The following PRRC2B variants were observed in gnomAD, a reference collection of about 807,000 sequenced individuals.
PRRC2B encodes proline rich coiled-coil 2B, also known as protein PRRC2B.
A neutral mutation model predicts 242.3 loss-of-function variants in PRRC2B; 68 were observed. That is an observed-to-expected ratio of 0.28 (90% CI 0.23 to 0.34). The LOEUF (loss-of-function observed/expected upper bound fraction) is 0.34. PRRC2B is among the 10% of genes least tolerant of loss of function. PRRC2B has a pLI of 1.00. For synonymous variants in PRRC2B, 1,228 were observed against 1,173.6 expected (o/e 1.05, Z -0.95); for missense variants, 2,835 against 2,954.8 (o/e 0.96, Z 0.94).
intron 11 of PRRC2B, among the ~76,000 whole-genome samples, chr9:131,464,463 G>A (rs1023114085): frequency 6.6e-6 from 1 of 152,126 alleles, no homozygotes; most frequent in African/African-American, 2.4e-5. Context: ...TGTCGTGTGC[G>A]GGTCGCATGT....
chr9:131,465,516 C>G (rs982161377), intron 12 of PRRC2B, among the ~76,000 whole-genome samples: 2 of 152,126 alleles, frequency 1.3e-5, no homozygotes, highest in Non-Finnish European at 2.9e-5. Flanking sequence ...GTGTACAGCA[C>G]GCTCCAGTTT....
At chr9:131,408,815 G>T (rs1837433681) in intron 1 of PRRC2B, among the ~76,000 whole-genome samples, 1 of 151,872 alleles carries the variant, frequency 6.6e-6, no homozygotes, top group South Asian at 2.1e-4. Context: ...CGCCTCCTGG[G>T]TTGAAGTGAT....
intron 13 of PRRC2B, among the ~76,000 whole-genome samples, chr9:131,468,480 G>A (rs890375300): frequency 8.6e-5 from 13 of 151,958 alleles, no homozygotes; most frequent in African/African-American, 2.7e-4. Context: ...ATTTTAAAAG[G>A]GACCTACTTT....
intron 16 of PRRC2B, among the ~76,000 whole-genome samples, chr9:131,476,812 C>G (rs892720378): frequency 6.6e-6 from 1 of 151,572 alleles, no homozygotes; most frequent in African/African-American, 2.4e-5. Context: ...GTCCCTGGAG[C>G]CCCGCCGAGG....
chr9:131,420,499 T>TTTC (rs1837803638), intron 1 of PRRC2B, among the ~76,000 whole-genome samples: 1 of 84,494 alleles, frequency 1.2e-5, no homozygotes. Context: ...CTTTCTTTTT[T>TTTC]TTTTTTTTTT....
chr9:131,439,510 C>G (rs1036752994), intron 5 of PRRC2B, among the ~76,000 whole-genome samples: 6 of 152,198 alleles, frequency 3.9e-5, no homozygotes, highest in African/African-American at 1.2e-4. Context: ...CTGATATCGC[C>G]TTCTGCTTCC....
chr9:131,484,590 G>A (rs1194705632), intron 23 of PRRC2B, 96 bp from the exon 24 acceptor site: 25 of 948,796 alleles, frequency 2.6e-5, no homozygotes, highest in Admixed American at 1.7e-4. Flanking sequence ...ACATTTGGAC[G>A]AGCCTTGAGT....
At chr9:131,383,946 G>C (rs2131265566) in intron 1 of PRRC2B, among the ~76,000 whole-genome samples, 1 of 151,260 alleles carries the variant, frequency 6.6e-6, no homozygotes, top group African/African-American at 2.4e-5. Flanking sequence ...TTTGCGACAG[G>C]CTTGCTCTGT....
At position 131,482,866 on chromosome 9, in the gene PRRC2B, G is replaced by A. The variant is rs374394281; in HGVS notation, c.5332G>A (p.Val1778Met). The stretch of plus-strand genomic sequence containing the variant: ...CGGGGTGGAGATTCACGTGGACTCC[G>A]TGCTGCCTGTGCCACCCATTGAATT... ...VNGVEIHVDS[V>M]LPVPPIEFGV... is the part of the protein sequence containing the mutation. The change falls in exon 22 of 32, where the codon GTG becomes ATG. Residue 1778 changes from valine (V) to methionine (M), a missense_variant. Physicochemically the swap from Val to Met is conservative, Grantham distance 21. Transcript: ENST00000683519. The surrounding 1 kb of genome is among the most constrained non-coding windows in gnomAD (Gnocchi z 5.2). The A allele has an allele frequency of 9.3e-6, 15 of 1,608,114 alleles. No homozygotes were observed. Among genetic ancestry groups the A allele is most frequent in the African/African-American group, 6.7e-5 (5 of 74,840 alleles).
chr9:131,384,079 G>A (rs866906210), intron 1 of PRRC2B, among the ~76,000 whole-genome samples: 4 of 131,588 alleles, frequency 3.0e-5, no homozygotes, highest in African/African-American at 5.5e-5. Flanking sequence ...CACCATACCC[G>A]GCTATTTTTT....
At chr9:131,485,501 C>T (rs752440790) in intron 25 of PRRC2B, among the ~76,000 whole-genome samples, 4 of 152,198 alleles carry the variant, frequency 2.6e-5, no homozygotes, top group African/African-American at 4.8e-5. Context: ...CATGAAACTC[C>T]GTGGGGTGGC....
At chr9:131,436,178 TC>T (rs2131334292) in intron 3 of PRRC2B, among the ~76,000 whole-genome samples, 1 of 152,220 alleles carries the variant, frequency 6.6e-6, no homozygotes, top group African/African-American at 2.4e-5. Flanking sequence ...GACAGAAGGC[TC>T]TACAAGAAGG....
At chr9:131,476,616 G>T in intron 16 of PRRC2B, 81 bp downstream of exon 16, 2 of 1,318,560 alleles carry the variant, frequency 1.5e-6, no homozygotes, top group Non-Finnish European at 2.0e-6. Context: ...GCATGCCGAT[G>T]CCGCCGTGTG....
In PRRC2B at chr9:131,459,220, C is replaced by T. The variant is rs775259843; in HGVS notation, c.1268C>T (p.Ala423Val). The change falls in exon 11 of 32, where the codon GCG (alanine) becomes GTG (valine). Residue 423 changes from alanine to valine, a missense_variant. Coordinates refer to ENST00000683519, the MANE Select transcript of PRRC2B (RefSeq NM_013318.4). ...TTGTCAATGAGCTCTGCAGACAGTG[C>T]GGACGCTAAGCGGACTCGAGAGGAA... ...RQLSMSSADS[A>V]DAKRTREEGK... 30 of 1,613,854 alleles carry T rather than the reference C, an allele frequency of 1.9e-5. No homozygotes were observed. Among genetic ancestry groups the T allele is most frequent in the East Asian group, 6.7e-5 (3 of 44,892 alleles).
intron 1 of PRRC2B, among the ~76,000 whole-genome samples, chr9:131,378,309 C>CAAAA (rs761589088): frequency 1.7e-5 from 1 of 58,582 alleles, no homozygotes; most frequent in African/African-American, 6.7e-5. Context: ...AACTCTGTCT[C>CAAAA]AAAAAAAAAA....
intron 31 of PRRC2B, among the ~76,000 whole-genome samples, chr9:131,495,375 G>A (rs566131007): frequency 6.6e-6 from 1 of 152,322 alleles, no homozygotes; most frequent in Admixed American, 6.5e-5. Flanking sequence ...TCTACTTGAA[G>A]GGGCCTTTTT....
chr9:131,463,433 CT>C (rs1943299299), intron 11 of PRRC2B, among the ~76,000 whole-genome samples: 1 of 152,004 alleles, frequency 6.6e-6, no homozygotes, highest in South Asian at 2.1e-4. Flanking sequence ...GAAGTTCTGT[CT>C]TTTTCTGGTA....
intron 1 of PRRC2B, among the ~76,000 whole-genome samples, chr9:131,420,689 C>T (rs910856086): frequency 4.6e-5 from 7 of 151,186 alleles, no homozygotes; most frequent in African/African-American, 1.5e-4. Flanking sequence ...AGGGTGTCGC[C>T]ATGTTGGCCA....
At position 131,476,262 on chromosome 9, in the gene PRRC2B, C is replaced by T; in HGVS notation, c.4133C>T (p.Ser1378Phe). 6.2e-7 allele frequency: 1 copy of T among 1,611,406 alleles called. No homozygotes were observed. The highest frequency in any genetic ancestry group is 8.5e-7 in the Non-Finnish European group (1 of 1,178,830). ...DHANEEWETASESSDFSERRE... is the reference protein window; with the variant it reads ...DHANEEWETAFESSDFSERRE... ...GCCAATGAGGAGTGGGAGACGGCCT[C>T]CGAAAGCAGCGACTTCAGCGAGCGG... The change falls in exon 16 of 32, where the codon TCC becomes TTC. Residue 1378 changes from serine (S) to phenylalanine (F), a missense_variant. By Grantham distance (155) the Ser-to-Phe change is radical (BLOSUM62 -2). Coordinates refer to ENST00000683519, the MANE Select transcript of PRRC2B (RefSeq NM_013318.4).
Sources: allele counts gnomAD v4.1 joint callset (sites outside exome capture counted in the v4.1 genomes callset), GRCh38; gene constraint gnomAD v4.1.1; non-coding constraint Gnocchi (gnomAD v3.1); transcripts MANE v1.5; gene names NCBI Gene and HGNC (gene_info 2026-07-23, HGNC 2026-07-21).